The following CASR variants were observed in gnomAD, a reference collection of about 807,000 sequenced individuals.
CASR encodes the protein extracellular calcium-sensing receptor.
In CASR, 23 loss-of-function variants were observed where a neutral mutation model predicts 69.1. That is an observed-to-expected ratio of 0.33 (90% CI 0.24 to 0.47). The LOEUF (loss-of-function observed/expected upper bound fraction) is 0.47, where lower values mean the gene tolerates loss of function less well. CASR is among the 20% of genes least tolerant of loss of function. CASR has a pLI of 1.00. For synonymous variants in CASR, 541 were observed against 544.7 expected (o/e 0.99, Z 0.10); for missense variants, 924 against 1,356.1 (o/e 0.68, Z 5.00).
intron 1 of CASR, among the ~76,000 whole-genome samples, chr3:122,191,421 C>T (rs2107580171): frequency 6.6e-6 from 1 of 152,256 alleles, no homozygotes; most frequent in South Asian, 2.1e-4. Flanking sequence ...AAGCAATTCT[C>T]CTGCCTCAGC....
rs775380024 is a variant in CASR, at chr3:122,284,428, A to G, written c.2474A>G (p.Tyr825Cys). 2 of 1,613,828 alleles carry G rather than the reference A, an allele frequency of 1.2e-6. No individual in the cohort carries two copies. The highest frequency in any genetic ancestry group is 1.7e-6 in the Non-Finnish European group (2 of 1,180,042). Residue 825 changes from tyrosine (Y) to cysteine (C), a missense_variant, in exon 7 of 7, where the codon TAT (tyrosine) becomes TGT (cysteine). Around this residue, in one of 8 missense-constraint regions of CASR, gnomAD observed 184 missense variants for 278.8 expected, o/e 0.66. Coordinates refer to ENST00000639785, the MANE Select transcript of CASR (RefSeq NM_000388.4). The part of the protein sequence containing the change: ...FIVWISFIPA[Y>C]ASTYGKFVSA... ...GTCTGGATCTCCTTCATTCCAGCCT[A>G]TGCCAGCACCTATGGCAAGTTTGTC...
In CASR at chr3:122,261,950, C is replaced by G. The variant is rs200528343; in HGVS notation, c.915C>G (p.Ile305Met). 1 of 1,614,120 alleles carries G rather than the reference C, an allele frequency of 6.2e-7. No homozygotes were observed. Residue 305 changes from isoleucine (I) to methionine (M), a missense_variant, in exon 4 of 7, where the codon ATC (isoleucine) becomes ATG (methionine). By Grantham distance (10) the Ile-to-Met change is conservative. Coordinates refer to ENST00000639785, the MANE Select transcript of CASR (RefSeq NM_000388.4). ...AGGCCTGGGCCAGCTCCTCCCTGATCGCCATGCCTCAGTACTTCCACGTGG... is the reference window on the plus strand; with the variant it reads ...AGGCCTGGGCCAGCTCCTCCCTGATGGCCATGCCTCAGTACTTCCACGTGG... ...ASEAWASSSL[I>M]AMPQYFHVVG...
Position 122,257,118 on chromosome 3 carries a change from A to C in CASR, c.223A>C (p.Ile75Leu). 3 of 1,614,076 alleles carry C rather than the reference A, an allele frequency of 1.9e-6. No homozygotes were observed. The highest frequency in any genetic ancestry group is 2.5e-6 in the Non-Finnish European group (3 of 1,179,998). Residue 75 changes from isoleucine to leucine, a missense_variant, in exon 3 of 7, where the codon ATA (isoleucine) becomes CTA (leucine). Transcript: ENST00000639785. ...FRGFRWLQAMIFAIEEINSSP... is the reference protein window; with the variant it reads ...FRGFRWLQAMLFAIEEINSSP... ...TGGGTTTCGCTGGTTACAGGCTATG[A>C]TATTTGCCATAGAGGAGATAAACAG...
chr3:122,239,894 A>G (rs1288823494), intron 1 of CASR, among the ~76,000 whole-genome samples: 3 of 152,226 alleles, frequency 2.0e-5, no homozygotes, highest in Non-Finnish European at 4.4e-5. Flanking sequence ...GATCAAGAGA[A>G]TGCCCTCAAA....
At chr3:122,253,905 A>C in intron 1 of CASR, 43 bp from the exon 2 acceptor site, 1 of 442,474 alleles carries the variant, frequency 2.3e-6, no homozygotes, top group Non-Finnish European at 4.2e-6. Flanking sequence ...ACAAGATGGG[A>C]TTGAGGTTTA....
At chr3:122,244,416 G>A (rs764967356) in intron 1 of CASR, among the ~76,000 whole-genome samples, 3 of 150,206 alleles carry the variant, frequency 2.0e-5, no homozygotes, top group South Asian at 2.1e-4. Flanking sequence ...GTAACGTGTG[G>A]TAGAATCATA....
intron 1 of CASR, among the ~76,000 whole-genome samples, chr3:122,206,147 C>T (rs1032355694): frequency 2.0e-5 from 3 of 151,988 alleles, no homozygotes; most frequent in Non-Finnish European, 4.4e-5. Context: ...TTGTTTTCTT[C>T]CATATTGTAA....
chr3:122,268,675 G>A (rs2074721244), intron 4 of CASR, among the ~76,000 whole-genome samples: 1 of 152,182 alleles, frequency 6.6e-6, no homozygotes, highest in African/African-American at 2.4e-5. Flanking sequence ...TTCTAAAACA[G>A]TGCCTGCTTG....
chr3:122,252,164 T>C (rs75752240), intron 1 of CASR, among the ~76,000 whole-genome samples: 25,197 of 150,910 alleles, frequency 0.17, 2,183 homozygotes, highest in Non-Finnish European at 0.18. Flanking sequence ...CAGGTGTGGG[T>C]AGCATGTGTT....
chr3:122,280,287 T>G (rs1184641832), intron 5 of CASR, among the ~76,000 whole-genome samples: 1 of 152,198 alleles, frequency 6.6e-6, no homozygotes, highest in Admixed American at 6.5e-5. Flanking sequence ...CGCATTCCCC[T>G]TGAAAACTGG....
chr3:122,189,715 G>T (rs2073822019), intron 1 of CASR, among the ~76,000 whole-genome samples: 2 of 152,158 alleles, frequency 1.3e-5, no homozygotes, highest in African/African-American at 4.8e-5. Context: ...TGTTGGTAGA[G>T]TTCCTATTAA....
intron 1 of CASR, among the ~76,000 whole-genome samples, chr3:122,208,387 G>A (rs187531342): frequency 2.3e-4 from 35 of 152,096 alleles, no homozygotes; most frequent in Admixed American, 1.4e-3. Flanking sequence ...AGATTATCAT[G>A]TTTTCTGTAA....
At chr3:122,238,124 A>T (rs1576840936) in intron 1 of CASR, among the ~76,000 whole-genome samples, 1 of 152,228 alleles carries the variant, frequency 6.6e-6, no homozygotes, top group East Asian at 1.9e-4. Context: ...ACCCGGTGCT[A>T]ATTTCATATT....
chr3:122,225,688 A>T (rs759646980), intron 1 of CASR, among the ~76,000 whole-genome samples: 1 of 152,236 alleles, frequency 6.6e-6, no homozygotes, highest in Non-Finnish European at 1.5e-5. Context: ...AACTTAAAAT[A>T]GAACTATCAT....
rs531183710 is a variant in CASR, at chr3:122,262,564, T to C, written c.1377+152T>C. 4.3e-6 allele frequency: 3 copies of C among 703,096 alleles called. No homozygotes were observed. In the East Asian group the frequency reaches 8.1e-5, roughly 19 times the overall value. The allele number at this position is 703,096 out of a possible 1,614,324, so 43.6% of individuals were successfully genotyped here. On this transcript the variant is annotated intron_variant, in intron 4 of 6. Coordinates refer to ENST00000639785, the MANE Select transcript of CASR (RefSeq NM_000388.4). The stretch of plus-strand genomic sequence containing the variant: ...GGATTCAAAGTACCTTTTTTAAATC[T>C]TGAGCAACTGATTTGAACAAAATTG...
intron 1 of CASR, among the ~76,000 whole-genome samples, chr3:122,223,617 G>A (rs1318050269): frequency 6.6e-6 from 1 of 151,784 alleles, no homozygotes; most frequent in African/African-American, 2.4e-5. Flanking sequence ...TCTACCACAT[G>A]TAAAATTATT....
At chr3:122,229,224 G>A (rs985889521) in intron 1 of CASR, among the ~76,000 whole-genome samples, 1 of 152,126 alleles carries the variant, frequency 6.6e-6, no homozygotes, top group Non-Finnish European at 1.5e-5. Context: ...TTTTACCAAC[G>A]TCTATACACT....
chr3:122,284,258 C>G lies in CASR; in HGVS notation c.2304C>G (p.Gly768=), dbSNP rs1576877799. The G allele has an allele frequency of 2.5e-6, 4 of 1,613,808 alleles. No homozygotes were observed. The highest frequency in any genetic ancestry group is 3.4e-6 in the Non-Finnish European group (4 of 1,179,744). ...DEIIFITCHE[G]SLMALGFLIG... ...TCATCTTCATCACGTGCCACGAGGGCTCCCTCATGGCCCTGGGCTTCCTGA... is the reference window on the plus strand; with the variant it reads ...TCATCTTCATCACGTGCCACGAGGGGTCCCTCATGGCCCTGGGCTTCCTGA... Residue 768 remains glycine, a synonymous_variant, in exon 7 of 7, where the codon GGC becomes GGG. Transcript: ENST00000639785.
At chr3:122,206,072 G>A (rs2074003682) in intron 1 of CASR, among the ~76,000 whole-genome samples, 1 of 151,706 alleles carries the variant, frequency 6.6e-6, no homozygotes, top group Non-Finnish European at 1.5e-5. Flanking sequence ...TCTTTCTTTT[G>A]CCTAATTATT....
Sources: gnomAD v4.1 joint callset for allele counts (sites outside exome capture counted in the v4.1 genomes callset) on GRCh38, gnomAD v4.1.1 for gene constraint, gnomAD v4.1.1 regional missense constraint, MANE v1.5 for transcripts, NCBI Gene and HGNC (gene_info 2026-07-23, HGNC 2026-07-21) for gene names.